ODAD2: variants seen among roughly 807,000 people sequenced by gnomAD.
ODAD2 encodes the protein outer dynein arm docking complex subunit 2.
Under a neutral mutation model 106.8 loss-of-function variants are expected in ODAD2, and 89 were observed. The ratio of observed to expected loss-of-function variants is 0.83; its 90% confidence interval spans 0.70 to 0.99. The LOEUF is 0.99. Among genes scored for constraint, ODAD2 ranks in the 50% least tolerant of loss-of-function variants. ODAD2 has a pLI of 0.00. For missense variants in ODAD2, 1,168 were observed against 1,238.5 expected, an observed-to-expected ratio of 0.94 and a Z score of 0.85; for synonymous variants, 404 against 436.2, an observed-to-expected ratio of 0.93 and a Z score of 0.92.
At chr10:27,849,041 C>T (rs1007220164) in intron 19 of ODAD2, among the ~76,000 whole-genome samples, 1 of 152,176 alleles carries the variant, frequency 6.6e-6, no homozygotes, top group African/African-American at 2.4e-5. Context: ...ACCCAGCCAT[C>T]CCATTACTGG....
intron 16 of ODAD2, 108 bp from the exon 17 acceptor site, chr10:27,907,885 A>T: frequency 2.6e-6 from 2 of 782,462 alleles, no homozygotes; most frequent in Non-Finnish European, 2.0e-6. Flanking sequence ...TATTTTGCTT[A>T]GAATTTTTTT....
rs552938392 is a variant in ODAD2 at position 27,928,358 on chromosome 10, C to T, written c.2495+6652G>A. Among the ~76,000 whole-genome samples the T allele has an allele frequency of 8.5e-5, 13 of 152,204 alleles. No individual in the cohort carries two copies. The South Asian group carries it at 2.7e-3, about 32-fold the overall frequency. Reference sequence around the variant, plus strand: ...AGGTCTTTATTTAACCTATCGATTTCTCTATTTTTATTACATTATATTTTA... The same window carrying T: ...AGGTCTTTATTTAACCTATCGATTTTTCTATTTTTATTACATTATATTTTA... On this transcript the variant is annotated intron_variant, in intron 16 of 19. Transcript: ENST00000305242.
At chr10:27,950,931 A>G (rs754342225) in intron 10 of ODAD2, among the ~76,000 whole-genome samples, 7 of 152,238 alleles carry the variant, frequency 4.6e-5, no homozygotes, top group Non-Finnish European at 1.0e-4. Flanking sequence ...TAAAGTGGAC[A>G]CAAGAGCAGC....
rs1841081886 is a variant in ODAD2 at position 27,873,611 on chromosome 10, G to A, written c.2611-10989C>T. ...TTTATTTCTGCCTTCATTTCATTAT[G>A]TACCCAGTAGTCATTCAGGAGCAGG... is the stretch of plus-strand genomic sequence containing the variant. On this transcript the variant is annotated intron_variant, in intron 17 of 19. Transcript: ENST00000305242. Among the ~76,000 whole-genome samples the A allele has an allele frequency of 2.6e-5, 4 of 151,728 alleles. No homozygotes were observed. The South Asian group carries it at 8.4e-4, about 32-fold the overall frequency.
At chr10:27,877,962 A>C (rs1841458424) in intron 17 of ODAD2, among the ~76,000 whole-genome samples, 1 of 152,196 alleles carries the variant, frequency 6.6e-6, no homozygotes, top group Admixed American at 6.5e-5. Flanking sequence ...CAAAACAAAA[A>C]ACTTAGCTTT....
intron 19 of ODAD2, among the ~76,000 whole-genome samples, chr10:27,837,529 T>C (rs1304980487): frequency 1.3e-5 from 2 of 152,218 alleles, no homozygotes; most frequent in African/African-American, 4.8e-5. Flanking sequence ...TTAGTGTGTA[T>C]ATTTTATGTT....
chr10:27,970,685 C>T (rs1848787919), intron 8 of ODAD2, among the ~76,000 whole-genome samples: 1 of 152,070 alleles, frequency 6.6e-6, no homozygotes, highest in South Asian at 2.1e-4. Context: ...AAGTTCTGGC[C>T]AGACGCAGTG....
intron 9 of ODAD2, among the ~76,000 whole-genome samples, chr10:27,966,282 G>A: frequency 6.6e-6 from 1 of 152,114 alleles, no homozygotes; most frequent in East Asian, 1.9e-4. Flanking sequence ...GTCTATTCAA[G>A]AAGTGACTTA....
At chr10:27,813,842 T>C (rs1835923178) in intron 19 of ODAD2, among the ~76,000 whole-genome samples, 2 of 152,152 alleles carry the variant, frequency 1.3e-5, no homozygotes, top group Non-Finnish European at 2.9e-5. Flanking sequence ...GGGTACTGTA[T>C]TACTTCATGT....
chr10:27,846,977 C>A (rs1015019492), intron 19 of ODAD2, among the ~76,000 whole-genome samples: 16 of 152,270 alleles, frequency 1.1e-4, no homozygotes, highest in East Asian at 3.9e-4. Flanking sequence ...GATTCACAGC[C>A]AAATTCTACC....
chr10:27,848,333 A>G (rs1838955129), intron 19 of ODAD2, among the ~76,000 whole-genome samples: 1 of 152,236 alleles, frequency 6.6e-6, no homozygotes, highest in Non-Finnish European at 1.5e-5. Flanking sequence ...AGGATTCCCT[A>G]TTTAATAAAT....
intron 17 of ODAD2, among the ~76,000 whole-genome samples, chr10:27,866,057 GAA>G (rs1195606350): frequency 6.6e-6 from 1 of 152,090 alleles, no homozygotes; most frequent in African/African-American, 2.4e-5. Context: ...TAATACAAAA[GAA>G]ATGATTATAT....
At chr10:27,827,297 A>C (rs1837121260) in intron 19 of ODAD2, among the ~76,000 whole-genome samples, 2 of 150,626 alleles carry the variant, frequency 1.3e-5, no homozygotes, top group African/African-American at 2.5e-5. Context: ...ATTCACTCTC[A>C]TTATTTCATG....
chr10:27,898,928 A>T (rs1055379619), intron 17 of ODAD2, among the ~76,000 whole-genome samples: 6 of 152,236 alleles, frequency 3.9e-5, no homozygotes, highest in East Asian at 1.9e-4. Flanking sequence ...TTCGCTTTTT[A>T]AAAAATATTA....
intron 9 of ODAD2, 77 bp from the exon 10 acceptor site, chr10:27,961,792 CA>C (rs1848160947): frequency 3.1e-6 from 4 of 1,288,588 alleles, no homozygotes; most frequent in Admixed American, 4.2e-5. Flanking sequence ...GGGCCAGGTG[CA>C]GTGGCTCATG....
intron 17 of ODAD2, among the ~76,000 whole-genome samples, chr10:27,885,525 A>T (rs1219184433): frequency 2.3e-3 from 46 of 19,836 alleles, no homozygotes; most frequent in Admixed American, 4.4e-3. Flanking sequence ...AAAAAAAAAA[A>T]AAAAAAAAAT....
At chr10:27,908,153 G>T (rs1843733283) in intron 16 of ODAD2, among the ~76,000 whole-genome samples, 1 of 152,084 alleles carries the variant, frequency 6.6e-6, no homozygotes, top group African/African-American at 2.4e-5. Context: ...AAACTGTGCA[G>T]TTACCTTTTT....
At chr10:27,869,955 C>G (rs1481057718) in intron 17 of ODAD2, among the ~76,000 whole-genome samples, 1 of 151,966 alleles carries the variant, frequency 6.6e-6, no homozygotes, top group Non-Finnish European at 1.5e-5. Flanking sequence ...AAATGCAAAT[C>G]AGTGTTCTAA....
chr10:27,988,890 C>T (rs1460776318), intron 2 of ODAD2, among the ~76,000 whole-genome samples: 1 of 152,056 alleles, frequency 6.6e-6, no homozygotes, highest in Non-Finnish European at 1.5e-5. Context: ...GATGGGGAGA[C>T]TATTCTGGGT....
Sources: allele counts gnomAD v4.1 joint callset (sites outside exome capture counted in the v4.1 genomes callset), GRCh38; gene constraint gnomAD v4.1.1; transcripts MANE v1.5; gene names NCBI Gene and HGNC (gene_info 2026-07-23, HGNC 2026-07-21).